The following CFAP57 variants were observed in gnomAD, a reference collection of about 807,000 sequenced individuals.
The protein encoded by CFAP57 is cilia and flagella associated protein 57, also known as cilia- and flagella-associated protein 57.
CFAP57 carries 116 observed loss-of-function variants against 146.8 expected under a neutral mutation model. The ratio of observed to expected loss-of-function variants is 0.79; its 90% CI spans 0.68 to 0.92. The LOEUF is 0.92. CFAP57 is among the 40% of genes least tolerant of loss of function. The pLI is 0.00. For synonymous variants in CFAP57, 518 were observed against 552.8 expected, an observed-to-expected ratio of 0.94 and a Z score of 0.88; for missense variants, 1,377 against 1,527.2, an observed-to-expected ratio of 0.90 and a Z score of 1.64.
chr1:43,210,514 A>G (rs1247807962), intron 11 of CFAP57: 48 of 709,454 alleles, frequency 6.8e-5, no homozygotes, highest in Middle Eastern at 6.7e-4. Flanking sequence ...GAATTCTGCA[A>G]TGTGCTACCA....
At chr1:43,191,980 AT>A (rs1160742884) in intron 6 of CFAP57, among the ~76,000 whole-genome samples, 1 of 150,902 alleles carries the variant, frequency 6.6e-6, no homozygotes, top group Non-Finnish European at 1.5e-5. Flanking sequence ...TTCTCTTTTG[AT>A]TTCTTTTTGA....
chr1:43,210,003 C>T (rs138949608), intron 11 of CFAP57, 87 bp downstream of exon 11: 3 of 1,612,722 alleles, frequency 1.9e-6, no homozygotes, highest in East Asian at 2.2e-5. Context: ...AATGTCTTTT[C>T]TCTCTCCTTC....
At chr1:43,178,407 T>C (rs1267384189) in intron 2 of CFAP57, among the ~76,000 whole-genome samples, 2 of 152,152 alleles carry the variant, frequency 1.3e-5, no homozygotes, top group South Asian at 2.1e-4. Context: ...AGGGCTAATA[T>C]CCAGAATCTA....
intron 6 of CFAP57, among the ~76,000 whole-genome samples, chr1:43,187,479 CTTAA>C (rs1424560576): frequency 6.6e-6 from 1 of 151,850 alleles, no homozygotes; most frequent in African/African-American, 2.4e-5. Flanking sequence ...TTAATAACAA[CTTAA>C]TTGAGTTATG....
Position 43,221,418 on chromosome 1 carries a change from A to T in CFAP57, c.2294A>T (p.His765Leu), listed in dbSNP as rs1359607564. ...KEKQDVYHHE[H>L]IEDLLDKQSR... ...AAGCAGGATGTTTATCACCATGAGC[A>T]CATAGAAGACCTCCTAGACAAGCAA... Residue 765 changes from histidine to leucine, a missense_variant, in exon 14 of 23, where the codon CAC becomes CTC. By Grantham distance (99) the His-to-Leu change is moderately conservative. Transcript: ENST00000372492. The T allele has an allele frequency of 1.9e-6, 3 of 1,544,136 alleles. No homozygotes were observed. The highest frequency in any genetic ancestry group is 2.4e-5 in the South Asian group (2 of 82,710).
chr1:43,232,548 A>G lies in CFAP57; in HGVS notation c.3050A>G (p.Gln1017Arg), dbSNP rs1160649144. 6.5e-7 allele frequency: 1 copy of G among 1,550,326 alleles called. No individual in the cohort carries two copies. The highest frequency in any genetic ancestry group is 8.7e-7 in the Non-Finnish European group (1 of 1,146,750). ...GAGAATTTCCATAAGCAGAACACTC[A>G]ACTGGAGCTGAACATCACAGAATTG... ...ELENFHKQNT[Q>R]LELNITELWQ... The change falls in exon 19 of 23, where the codon CAA (glutamine) becomes CGA (arginine). Residue 1017 changes from glutamine (Q) to arginine (R), a missense_variant. Physicochemically the swap from Gln to Arg is conservative, Grantham distance 43. Transcript: ENST00000372492.
rs1222453546 is a variant in CFAP57, at chr1:43,234,336, G to A, written c.3184G>A (p.Ala1062Thr). Residue 1062 changes from alanine to threonine, a missense_variant, in exon 20 of 23, where the codon GCC (alanine) becomes ACC (threonine). Coordinates refer to ENST00000372492, the MANE Select transcript of CFAP57 (RefSeq NM_001378189.1). ...TAAAACAGACCTCCACAACTGCGTA[G>A]CCTATATTCAGGAACCGCGGCTGCT... Reference protein sequence around the residue: ...RFKTDLHNCVAYIQEPRLLKE... With the variant: ...RFKTDLHNCVTYIQEPRLLKE... 1.9e-6 allele frequency: 3 copies of A among 1,550,454 alleles called. No homozygotes were observed. In the East Asian group the frequency reaches 7.3e-5, roughly 38 times the overall value.
chr1:43,179,149 G>C lies in CFAP57; in HGVS notation c.158-2385G>C, dbSNP rs578055999. Reference sequence around the variant, plus strand: ...GGGGCCTGTTGTGGGGTGCGGGGAGGGGGAGGGATAGCATTAGGAGATATA... The same window carrying C: ...GGGGCCTGTTGTGGGGTGCGGGGAGCGGGAGGGATAGCATTAGGAGATATA... On this transcript the variant is annotated intron_variant, in intron 2 of 22. Coordinates refer to ENST00000372492, the MANE Select transcript of CFAP57 (RefSeq NM_001378189.1). Among the ~76,000 whole-genome samples the C allele has an allele frequency of 1.3e-3, 200 of 151,528 alleles. 1 individual carries two copies. The highest frequency in any genetic ancestry group is 4.7e-3 in the African/African-American group (190 of 40,852).
rs143889464 is a variant in CFAP57, at chr1:43,215,355, G to C, written c.2030G>C (p.Arg677Pro). 2.7e-5 allele frequency: 42 copies of C among 1,551,204 alleles called. No homozygotes were observed. The East Asian group carries it at 8.8e-4, about 32-fold the overall frequency. The change falls in exon 12 of 23, where the codon CGA (arginine) becomes CCA (proline). Residue 677 changes from arginine (R) to proline (P), a missense_variant. By Grantham distance (103) the Arg-to-Pro change is moderately radical (BLOSUM62 -2). Transcript: ENST00000372492. ...GATAAGGATGGCCGGGGAATCAAGC[G>C]AGAGAGGGAGGTGGGCTTTGCCGAA... ...VFDKDGRGIK[R>P]EREVGFAEEV...
At chr1:43,209,612 G>C in intron 10 of CFAP57, 131 bp from the exon 11 acceptor site, 2 of 880,492 alleles carry the variant, frequency 2.3e-6, no homozygotes, top group Non-Finnish European at 3.6e-6. Flanking sequence ...ATGCCAAAAG[G>C]GGATAGAAAA....
intron 4 of CFAP57, 104 bp from the exon 5 acceptor site, chr1:43,185,045 T>C: frequency 1.6e-6 from 2 of 1,226,768 alleles, no homozygotes; most frequent in Non-Finnish European, 2.4e-6. Context: ...GATCATTGGG[T>C]GGTTTCTGTC....
intron 2 of CFAP57, among the ~76,000 whole-genome samples, chr1:43,176,071 G>A (rs534696471): frequency 6.6e-6 from 1 of 152,054 alleles, no homozygotes; most frequent in Non-Finnish European, 1.5e-5. Flanking sequence ...ACACATGTGG[G>A]TGGATCCTTG....
At chr1:43,186,944 C>T (rs983575578) in intron 6 of CFAP57, 85 bp downstream of exon 6, 1 of 1,531,988 alleles carries the variant, frequency 6.5e-7, no homozygotes, top group Non-Finnish European at 9.0e-7. Context: ...AATTTTAATC[C>T]AAATAAGTTA....
chr1:43,182,503 G>A (rs1190100471), intron 3 of CFAP57, among the ~76,000 whole-genome samples: 3 of 152,202 alleles, frequency 2.0e-5, no homozygotes, highest in Non-Finnish European at 4.4e-5. Context: ...CTCTGGCATA[G>A]ACTCAATTAT....
intron 2 of CFAP57, among the ~76,000 whole-genome samples, chr1:43,175,819 G>GTT (rs61528121): frequency 0.19 from 25,872 of 137,584 alleles, 4,825 homozygotes; most frequent in African/African-American, 0.49. Context: ...ATGTTTTTGG[G>GTT]TTTTTTTTTT....
intron 2 of CFAP57, among the ~76,000 whole-genome samples, chr1:43,174,014 A>C (rs1379422685): frequency 2.0e-5 from 3 of 152,228 alleles, no homozygotes; most frequent in Non-Finnish European, 4.4e-5. Context: ...ATTAATGATG[A>C]TGAGTATCTG....
At chr1:43,224,014 G>A in intron 16 of CFAP57, 32 bp from the exon 17 acceptor site, 1 of 1,549,722 alleles carries the variant, frequency 6.5e-7, no homozygotes, top group Non-Finnish European at 8.7e-7. Context: ...TCTGACTTTA[G>A]TGGTCTTTGT....
At chr1:43,194,079 A>T (rs1276489411) in intron 6 of CFAP57, among the ~76,000 whole-genome samples, 1 of 152,108 alleles carries the variant, frequency 6.6e-6, no homozygotes, top group Non-Finnish European at 1.5e-5. Flanking sequence ...TGTGGATTTG[A>T]ATTACTATCT....
At chr1:43,248,032 C>T (rs978338014) in intron 22 of CFAP57, among the ~76,000 whole-genome samples, 5 of 149,492 alleles carry the variant, frequency 3.3e-5, no homozygotes, top group Non-Finnish European at 5.9e-5. Flanking sequence ...GGTAGCCACT[C>T]AGCTACTGAA....
Sources: gnomAD v4.1 joint callset for allele counts (sites outside exome capture counted in the v4.1 genomes callset) on GRCh38, gnomAD v4.1.1 for gene constraint, MANE v1.5 for transcripts, NCBI Gene and HGNC (gene_info 2026-07-23, HGNC 2026-07-21) for gene names.